The following CELF2 variants were observed in gnomAD, a reference collection of about 807,000 sequenced individuals.
CELF2 encodes the protein CUG triplet repeat RNA-binding protein 2.
In CELF2, 8 loss-of-function variants were observed where a neutral mutation model predicts 62.6. The ratio of observed to expected loss-of-function variants is 0.13; its 90% confidence interval spans 0.07 to 0.23. The LOEUF (loss-of-function observed/expected upper bound fraction) is 0.23. Ranked by LOEUF, CELF2 falls within the 10% of genes least tolerant of loss-of-function variation. The pLI is 1.00. For synonymous variants in CELF2, 258 were observed against 250.0 expected (o/e 1.03, Z -0.30); for missense variants, 333 against 671.0 (o/e 0.50, Z 5.56).
intron 2 of CELF2, among the ~76,000 whole-genome samples, chr10:10,984,328 T>C (rs775114591): frequency 6.6e-5 from 10 of 152,196 alleles, no homozygotes; most frequent in Non-Finnish European, 1.0e-4. Context: ...ATGCGAGCAA[T>C]GCAGGCTGCC....
At chr10:10,948,810 C>T (rs969760634) in intron 2 of CELF2, among the ~76,000 whole-genome samples, 3 of 152,168 alleles carry the variant, frequency 2.0e-5, no homozygotes, top group Non-Finnish European at 2.9e-5. Context: ...GTCTTTCAAA[C>T]TCTCCATGGT....
the CELF2 span, among the ~76,000 whole-genome samples, chr10:10,487,361 G>A: frequency 6.6e-6 from 1 of 151,658 alleles, no homozygotes; most frequent in African/African-American, 2.4e-5. Flanking sequence ...CCTCTCTTAA[G>A]TTACATCTCA....
rs1472366563 is a variant in CELF2, at chr10:11,110,876, G to C, written c.75-54610G>C. Reference sequence around the variant, plus strand: ...AAGCCTAGACCCCCACTAACAAGGAGCAAAGCCCTTGGAAACGCAGCACTG... The same window carrying C: ...AAGCCTAGACCCCCACTAACAAGGACCAAAGCCCTTGGAAACGCAGCACTG... On this transcript the variant is annotated intron_variant, in intron 1 of 12. Transcript: ENST00000633077. This position sits in a 1 kb window ranked among gnomAD's most constrained non-coding sequence, Gnocchi z 4.0. Among the ~76,000 whole-genome samples the C allele has an allele frequency of 1.3e-5, 2 of 152,154 alleles. No homozygotes were observed. Among genetic ancestry groups the C allele is most frequent in the African/African-American group, 4.8e-5 (2 of 41,434 alleles).
the CELF2 span, among the ~76,000 whole-genome samples, chr10:10,659,914 C>T: frequency 6.6e-6 from 1 of 152,114 alleles, no homozygotes; most frequent in African/African-American, 2.4e-5. Flanking sequence ...AAGGTGATCA[C>T]AGGGTTGTTG....
intron 1 of CELF2, among the ~76,000 whole-genome samples, chr10:11,158,336 T>C (rs908203096): frequency 6.6e-6 from 1 of 152,150 alleles, no homozygotes; most frequent in African/African-American, 2.4e-5. Context: ...AGAGGATTCA[T>C]TGGTGTCGTC....
chr10:10,616,697 T>C, the CELF2 span, among the ~76,000 whole-genome samples: 24 of 119,376 alleles, frequency 2.0e-4, no homozygotes, highest in African/African-American at 6.6e-4. Context: ...TGTGCGTGTG[T>C]GTGTGTGTGT....
the CELF2 span, among the ~76,000 whole-genome samples, chr10:10,650,415 T>C: frequency 6.6e-6 from 1 of 152,354 alleles, no homozygotes; most frequent in Admixed American, 6.5e-5. Context: ...ATATTTTCCA[T>C]AATTTTTCAT....
At chr10:10,617,433 G>A in the CELF2 span, among the ~76,000 whole-genome samples, 1 of 152,114 alleles carries the variant, frequency 6.6e-6, no homozygotes, top group African/African-American at 2.4e-5. Context: ...TCACAGCTCA[G>A]GTTCAGCAAA....
the CELF2 span, among the ~76,000 whole-genome samples, chr10:10,646,465 A>G: frequency 6.6e-6 from 1 of 152,204 alleles, no homozygotes; most frequent in African/African-American, 2.4e-5. Context: ...GTCGTTTCTC[A>G]GCCCCTTACT....
chr10:10,543,476 A>G, the CELF2 span, among the ~76,000 whole-genome samples: 3 of 152,194 alleles, frequency 2.0e-5, no homozygotes, highest in Non-Finnish European at 4.4e-5. Context: ...GTTTAAGAGG[A>G]CCAGGAACAT....
intron 1 of CELF2, among the ~76,000 whole-genome samples, chr10:11,052,829 T>C (rs1490868379): frequency 6.6e-6 from 1 of 152,180 alleles, no homozygotes; most frequent in African/African-American, 2.4e-5. Context: ...GGAAGTGGAT[T>C]CAGGCACTGG....
At chr10:10,896,317 A>G (rs1174675476) in intron 1 of CELF2, among the ~76,000 whole-genome samples, 1 of 152,180 alleles carries the variant, frequency 6.6e-6, no homozygotes, top group Non-Finnish European at 1.5e-5. Flanking sequence ...AGATCCAATT[A>G]TATGCTGCTT....
the CELF2 span, among the ~76,000 whole-genome samples, chr10:10,640,842 G>A: frequency 8.5e-5 from 13 of 152,198 alleles, no homozygotes; most frequent in South Asian, 1.9e-3. Context: ...GCTCTTCATC[G>A]CATGGCTGCA....
At chr10:10,479,694 CA>C in the CELF2 span, among the ~76,000 whole-genome samples, 3 of 152,064 alleles carry the variant, frequency 2.0e-5, no homozygotes, top group Admixed American at 1.3e-4. Context: ...CTTGATCTAC[CA>C]GGGGACTTTG....
At chr10:11,197,439 A>T (rs1330363951) in intron 2 of CELF2, among the ~76,000 whole-genome samples, 1 of 152,254 alleles carries the variant, frequency 6.6e-6, no homozygotes, top group Non-Finnish European at 1.5e-5. Flanking sequence ...AGGGTAGCAA[A>T]TGGTCCCTTA....
chr10:10,692,149 G>A, the CELF2 span, among the ~76,000 whole-genome samples: 18 of 145,740 alleles, frequency 1.2e-4, no homozygotes, highest in South Asian at 3.1e-3. Context: ...TAGGTCTAAC[G>A]TTTAAGTCTT....
chr10:10,576,661 C>A, the CELF2 span, among the ~76,000 whole-genome samples: 5,605 of 152,244 alleles, frequency 0.037, 325 homozygotes, highest in African/African-American at 0.13. Flanking sequence ...AACCATCTCT[C>A]TACCAAACTA....
intron 2 of CELF2, among the ~76,000 whole-genome samples, chr10:11,166,343 C>G (rs2067181810): frequency 6.6e-6 from 1 of 152,118 alleles, no homozygotes; most frequent in South Asian, 2.1e-4. Flanking sequence ...GGTATAGGAT[C>G]TGGTAGTTGT....
At chr10:10,816,371 A>C (rs1361283673) in intron 1 of CELF2, among the ~76,000 whole-genome samples, 1 of 152,226 alleles carries the variant, frequency 6.6e-6, no homozygotes, top group African/African-American at 2.4e-5. Flanking sequence ...CTGACTTCAG[A>C]TAAACCTCTG....
Sources: gnomAD v4.1 joint callset for allele counts (sites outside exome capture counted in the v4.1 genomes callset) on GRCh38, gnomAD v4.1.1 for gene constraint, Gnocchi (gnomAD v3.1) non-coding constraint, MANE v1.5 for transcripts, NCBI Gene and HGNC (gene_info 2026-07-23, HGNC 2026-07-21) for gene names.